ZNF347: variants seen among roughly 807,000 people sequenced by gnomAD.
ZNF347 encodes zinc finger protein 347, also known as CTD-2620I22.7.
ZNF347 carries 19 observed loss-of-function variants against 12.9 expected under a neutral mutation model. The ratio of observed to expected loss-of-function variants is 1.47; its 90% CI spans 1.03 to 2.16. The LOEUF (loss-of-function observed/expected upper bound fraction) is 2.16. Ranked by LOEUF, ZNF347 falls within the 30% of genes most tolerant of loss-of-function variation. The pLI is 0.00. For missense variants in ZNF347, 1,005 were observed against 990.6 expected (o/e 1.01, Z -0.19); for synonymous variants, 328 against 340.6 (o/e 0.96, Z 0.41).
In ZNF347 at chr19:53,140,704, TG is replaced by T; in HGVS notation, c.2123del (p.Pro708HisfsTer17). 1.2e-6 allele frequency: 2 copies of T among 1,613,606 alleles called. No homozygotes were observed. The highest frequency in any genetic ancestry group is 1.7e-6 in the Non-Finnish European group (2 of 1,179,788). On this transcript the variant is annotated frameshift_variant, in exon 5 of 5. Coordinates refer to ENST00000334197, the MANE Select transcript of ZNF347 (RefSeq NM_032584.3). LOFTEE classifies it low-confidence loss of function (END_TRUNC). ...RHQRVHTGEK[P>X]YECNQCGKAF... Reference sequence around the variant, plus strand: ...CTTTCCCACACTGATTACACTCATATGGTTTCTCTCCAGTATGAACTCTCTG... The same window carrying T: ...CTTTCCCACACTGATTACACTCATATGTTTCTCTCCAGTATGAACTCTCTG...
In ZNF347 at chr19:53,153,831, G is replaced by A. The variant is rs185208388; in HGVS notation, c.-46-38C>T. On this transcript the variant is annotated intron_variant, in intron 1 of 4. Coordinates refer to ENST00000334197, the MANE Select transcript of ZNF347 (RefSeq NM_032584.3). ...GAAAGTGCCTTTAGAAGTCAATATT[G>A]AATATCCAAAATGTGCTGTTTATTG... is the stretch of plus-strand genomic sequence containing the variant. 6.6e-6 allele frequency: 10 copies of A among 1,517,872 alleles called. No homozygotes were observed. In the African/African-American group the frequency reaches 8.2e-5, roughly 12 times the overall value. 94.0% of individuals were successfully genotyped at this position (1,517,872 alleles called of 1,614,324 possible).
intron 4 of ZNF347, among the ~76,000 whole-genome samples, chr19:53,145,636 G>A (rs199781328): frequency 7.2e-5 from 11 of 151,784 alleles, no homozygotes; most frequent in East Asian, 3.9e-4. Flanking sequence ...CAAGCAATCC[G>A]CCTGCCTCAG....
At position 53,141,827 on chromosome 19, in the gene ZNF347, TG is replaced by T. The variant is rs778496083; in HGVS notation, c.1000del (p.Gln334AsnfsTer28). ...CTCTCCAGTGTGAATTTTCTGATGTTGTGAGAGTTGTGAATTTCGACTAAAG... is the reference window on the plus strand; with the variant it reads ...CTCTCCAGTGTGAATTTTCTGATGTTTGAGAGTTGTGAATTTCGACTAAAG... ...KVFSRNSQLSQHQKIHTGEKP... is the reference protein window; with the variant it reads ...KVFSRNSQLSXHQKIHTGEKP... On this transcript the variant is annotated frameshift_variant, in exon 5 of 5. Coordinates refer to ENST00000334197, the MANE Select transcript of ZNF347 (RefSeq NM_032584.3). LOFTEE classifies it low-confidence loss of function (END_TRUNC). 17 of 1,614,114 alleles carry T rather than the reference TG, an allele frequency of 1.1e-5. No individual in the cohort carries two copies. Among genetic ancestry groups the T allele is most frequent in the Non-Finnish European group, 1.4e-5 (17 of 1,180,008 alleles).
At chr19:53,145,151 C>T (rs948282724) in intron 4 of ZNF347, among the ~76,000 whole-genome samples, 9 of 151,624 alleles carry the variant, frequency 5.9e-5, no homozygotes, top group South Asian at 4.2e-4. Flanking sequence ...ATTAGCCAGG[C>T]GTGGTGGCAC....
chr19:53,150,272 G>A lies in ZNF347; in HGVS notation c.16-905C>T, dbSNP rs142441211. 2.9e-3 allele frequency among the ~76,000 whole-genome samples: 448 copies of A among 152,250 alleles called. 1 individual carries two copies. Among genetic ancestry groups the A allele is most frequent in the Middle Eastern group, 0.014 (4 of 294 alleles). The stretch of plus-strand genomic sequence containing the variant: ...TGTCCAGTGCAGAATTGCTCCCTTG[G>A]TGTGTGTGGGAAAACCCAGGACATC... On this transcript the variant is annotated intron_variant, in intron 2 of 4. Transcript: ENST00000334197.
At chr19:53,153,004 T>C (rs2090508802) in intron 2 of ZNF347, among the ~76,000 whole-genome samples, 1 of 152,214 alleles carries the variant, frequency 6.6e-6, no homozygotes, top group Non-Finnish European at 1.5e-5. Flanking sequence ...AAAGAAGTTC[T>C]GCTCCTATAA....
intron 2 of ZNF347, 77 bp downstream of exon 2, chr19:53,153,656 G>A: frequency 1.3e-6 from 2 of 1,576,194 alleles, no homozygotes; most frequent in Non-Finnish European, 8.7e-7. Flanking sequence ...CAGACTCAGA[G>A]AAGATTCCCA....
intron 4 of ZNF347, 99 bp from the exon 5 acceptor site, chr19:53,142,655 C>T: frequency 1.1e-6 from 1 of 915,406 alleles, no homozygotes; most frequent in Non-Finnish European, 1.6e-6. Flanking sequence ...CAATATTAAA[C>T]CAAAAGCAAT....
intron 2 of ZNF347, among the ~76,000 whole-genome samples, chr19:53,152,802 C>T (rs1402115413): frequency 6.6e-6 from 1 of 151,772 alleles, no homozygotes; most frequent in Non-Finnish European, 1.5e-5. Flanking sequence ...TGGTGGCGGG[C>T]GCCTGTAGTC....
In ZNF347 at chr19:53,140,705, G is replaced by A. The variant is rs138184868; in HGVS notation, c.2123C>T (p.Pro708Leu). Residue 708 changes from proline (P) to leucine (L), a missense_variant, in exon 5 of 5, where the codon CCA becomes CTA. Coordinates refer to ENST00000334197, the MANE Select transcript of ZNF347 (RefSeq NM_032584.3). ...RHQRVHTGEK[P>L]YECNQCGKAF... ...TTTCCCACACTGATTACACTCATAT[G>A]GTTTCTCTCCAGTATGAACTCTCTG... The A allele has an allele frequency of 2.4e-5, 38 of 1,613,616 alleles. No individual in the cohort carries two copies. The highest frequency in any genetic ancestry group is 2.8e-5 in the Non-Finnish European group (33 of 1,179,834).
At position 53,158,412 on chromosome 19, in the gene ZNF347, G is replaced by C. The variant is rs533778622; in HGVS notation, c.-47+597C>G. ...CGAGGCTGGGAGGCACCCAGGGCGG[G>C]AATCCACCTCGCGGGCGAGGACTTT... is the stretch of plus-strand genomic sequence containing the variant. On this transcript the variant is annotated intron_variant, in intron 1 of 4. Transcript: ENST00000334197. Among the ~76,000 whole-genome samples, 5 of 152,358 alleles carry C rather than the reference G, an allele frequency of 3.3e-5. No homozygotes were observed. The East Asian group carries it at 9.6e-4, about 29-fold the overall frequency.
At chr19:53,157,319 A>G (rs1457194666) in intron 1 of ZNF347, among the ~76,000 whole-genome samples, 1 of 152,154 alleles carries the variant, frequency 6.6e-6, no homozygotes, top group Non-Finnish European at 1.5e-5. Flanking sequence ...ACATCTAATC[A>G]ACGCACCACT....
chr19:53,148,857 T>TC, intron 3 of ZNF347, 48 bp from the exon 4 acceptor site: 1 of 1,595,314 alleles, frequency 6.3e-7, no homozygotes. Context: ...TTTTCCAGAG[T>TC]CCCAGTCCTA....
Position 53,141,914 on chromosome 19 carries a change from G to A in ZNF347, c.914C>T (p.Thr305Ile), listed in dbSNP as rs752889491. 1.9e-6 allele frequency: 3 copies of A among 1,613,908 alleles called. No individual in the cohort carries two copies. Among genetic ancestry groups the A allele is most frequent in the Admixed American group, 3.3e-5 (2 of 59,982 alleles). ...GCCAGTATGGATCACCTGATGGGTA[G>A]TTAGGTTTGAACGTGTTCTAAAGGC... ...GKAFRTRSNLTTHQVIHTGEK... is the reference protein window; with the variant it reads ...GKAFRTRSNLITHQVIHTGEK... Residue 305 changes from threonine to isoleucine, a missense_variant, in exon 5 of 5, where the codon ACT becomes ATT. Physicochemically the swap from Thr to Ile is moderately conservative, Grantham distance 89. Transcript: ENST00000334197.
chr19:53,153,219 C>T (rs898389284), intron 2 of ZNF347, among the ~76,000 whole-genome samples: 3 of 152,162 alleles, frequency 2.0e-5, no homozygotes, highest in East Asian at 1.9e-4. Flanking sequence ...ATTCCCATTC[C>T]ATTCCCAGTC....
chr19:53,141,653 T>C lies in ZNF347; in HGVS notation c.1175A>G (p.Gln392Arg). The change falls in exon 5 of 5, where the codon CAG (glutamine) becomes CGG (arginine). Residue 392 changes from glutamine (Q) to arginine (R), a missense_variant. Transcript: ENST00000334197. Reference protein sequence around the residue: ...FRARSSLAIHQATHSGEKPYK... With the variant: ...FRARSSLAIHRATHSGEKPYK... The stretch of plus-strand genomic sequence containing the variant: ...AGGTTTTTCTCCACTGTGGGTTGCC[T>C]GATGGATAGCTAAGCTTGAACGAGC... The C allele has an allele frequency of 6.2e-7, 1 of 1,614,036 alleles. No individual in the cohort carries two copies. The highest frequency in any genetic ancestry group is 8.5e-7 in the Non-Finnish European group (1 of 1,179,998).
At chr19:53,154,502 G>C (rs894902314) in intron 1 of ZNF347, among the ~76,000 whole-genome samples, 2 of 152,030 alleles carry the variant, frequency 1.3e-5, no homozygotes, top group African/African-American at 4.8e-5. Context: ...AGTGCGGACA[G>C]AGAAAAAAGT....
Position 53,135,372 on chromosome 19 carries a change from AG to A in ZNF347, c.*4935del, listed in dbSNP as rs2090383073. The A allele has an allele frequency of 1.8e-5, 1 of 57,010 alleles. No homozygotes were observed. The allele number at this position is 57,010 out of a possible 1,614,324, so 3.5% of individuals were successfully genotyped here. A position where few individuals can be genotyped will look rare whatever the true frequency, so the allele number is the denominator to read the frequency against. ...GAGAGAGAGAGAGAGAGAGAGAAAG[AG>A]AGAGAGAGAGAGAGAGAGAGATGGA... On this transcript the variant is annotated 3_prime_UTR_variant, in exon 5 of 5. Transcript: ENST00000334197.
chr19:53,154,985 T>C (rs529038479), intron 1 of ZNF347, among the ~76,000 whole-genome samples: 2 of 152,090 alleles, frequency 1.3e-5, no homozygotes, highest in South Asian at 4.2e-4. Context: ...TCACCCAGGC[T>C]GGAGTGCAAT....
Sources: gnomAD v4.1 joint callset for allele counts (sites outside exome capture counted in the v4.1 genomes callset) on GRCh38, gnomAD v4.1.1 for gene constraint, MANE v1.5 for transcripts, NCBI Gene and HGNC (gene_info 2026-07-23, HGNC 2026-07-21) for gene names.